CERS6: variants seen among roughly 807,000 people sequenced by gnomAD.
CERS6 encodes the protein LAG1 homolog, ceramide synthase 6.
Under a neutral mutation model 56.8 loss-of-function variants are expected in CERS6, and 26 were observed. That is an observed-to-expected ratio of 0.46 (90% CI 0.34 to 0.63). The LOEUF (loss-of-function observed/expected upper bound fraction) is 0.63, where lower values mean the gene tolerates loss of function less well. Among genes scored for constraint, CERS6 ranks in the 30% least tolerant of loss-of-function variants. CERS6 has a pLI of 0.01. For missense variants in CERS6, 415 were observed against 467.5 expected, an observed-to-expected ratio of 0.89 and a Z score of 1.04; for synonymous variants, 164 against 173.3, an observed-to-expected ratio of 0.95 and a Z score of 0.42.
chr2:168,731,301 T>G lies in CERS6; in HGVS notation c.845+13323T>G, dbSNP rs1242267010. Among the ~76,000 whole-genome samples, 2 of 152,144 alleles carry G rather than the reference T, an allele frequency of 1.3e-5. 1 individual carries two copies. The highest frequency in any genetic ancestry group is 1.3e-4 in the Admixed American group (2 of 15,250). ...TGTCGTGCTCTGCAGTCATAACTGA[T>G]GTTAATCTGAAGCAGCACAAGACTG... On this transcript the variant is annotated intron_variant, in intron 8 of 9. Coordinates refer to ENST00000305747, the MANE Select transcript of CERS6 (RefSeq NM_203463.3).
At chr2:168,656,298 G>A (rs1269178905) in intron 4 of CERS6, among the ~76,000 whole-genome samples, 1 of 152,206 alleles carries the variant, frequency 6.6e-6, no homozygotes, top group Non-Finnish European at 1.5e-5. Context: ...AAATTTTTTG[G>A]TGAAAGTTTT....
intron 4 of CERS6, among the ~76,000 whole-genome samples, chr2:168,645,987 G>A (rs573366141): frequency 6.6e-6 from 1 of 152,274 alleles, no homozygotes; most frequent in South Asian, 2.1e-4. Context: ...TGCAAATAGG[G>A]CTGCAGTGAA....
chr2:168,705,104 C>G (rs1253632667), intron 6 of CERS6, among the ~76,000 whole-genome samples: 1 of 152,168 alleles, frequency 6.6e-6, no homozygotes, highest in Non-Finnish European at 1.5e-5. Flanking sequence ...CAACTGGATT[C>G]AGAGCTGGCT....
chr2:168,741,265 T>G (rs1308135500), intron 8 of CERS6, among the ~76,000 whole-genome samples: 3 of 152,036 alleles, frequency 2.0e-5, no homozygotes, highest in Non-Finnish European at 4.4e-5. Context: ...GATAGTGGTG[T>G]TATTTTGAAT....
intron 3 of CERS6, among the ~76,000 whole-genome samples, chr2:168,596,802 A>C (rs1336195439): frequency 6.6e-6 from 1 of 152,068 alleles, no homozygotes; most frequent in Non-Finnish European, 1.5e-5. Context: ...AAAGTGCTGG[A>C]ATTACAGGTG....
At position 168,473,632 on chromosome 2, in the gene CERS6, A is replaced by G. The variant is rs545744005; in HGVS notation, c.170+17014A>G. Among the ~76,000 whole-genome samples the G allele has an allele frequency of 2.0e-5, 3 of 152,238 alleles. No homozygotes were observed. The South Asian group carries it at 6.2e-4, about 32-fold the overall frequency. On this transcript the variant is annotated intron_variant, in intron 1 of 9. Coordinates refer to ENST00000305747, the MANE Select transcript of CERS6 (RefSeq NM_203463.3). ...CATTAATGCTACAAAATTGTGTTTG[A>G]AATATTTAGAATATGATACCTCTTG...
At chr2:168,519,110 G>A (rs16855438) in intron 1 of CERS6, among the ~76,000 whole-genome samples, 45,988 of 151,996 alleles carry the variant, frequency 0.3, 7,497 homozygotes, top group African/African-American at 0.42. Context: ...GTGCAATAAG[G>A]ATTTTTAACT....
At chr2:168,739,602 C>T (rs564461667) in intron 8 of CERS6, among the ~76,000 whole-genome samples, 9 of 152,094 alleles carry the variant, frequency 5.9e-5, no homozygotes, top group South Asian at 4.2e-4. Flanking sequence ...GAGTCTCCCG[C>T]GTTAAATTTA....
chr2:168,506,608 A>G (rs1694682415), intron 1 of CERS6, among the ~76,000 whole-genome samples: 1 of 152,184 alleles, frequency 6.6e-6, no homozygotes, highest in African/African-American at 2.4e-5. Context: ...TAGATATGAG[A>G]TCAGTTTTAG....
At chr2:168,563,701 G>T (rs1481544432) in intron 3 of CERS6, among the ~76,000 whole-genome samples, 2 of 152,192 alleles carry the variant, frequency 1.3e-5, no homozygotes, top group Non-Finnish European at 2.9e-5. Context: ...GGAGGCTGAG[G>T]CAGGAGAATG....
intron 4 of CERS6, among the ~76,000 whole-genome samples, chr2:168,640,401 G>A (rs1261944845): frequency 1.3e-5 from 2 of 152,152 alleles, no homozygotes; most frequent in African/African-American, 4.8e-5. Flanking sequence ...AAGAGCTTCT[G>A]TTCATACTGG....
intron 3 of CERS6, among the ~76,000 whole-genome samples, chr2:168,571,064 T>C (rs957266148): frequency 1.3e-5 from 2 of 152,196 alleles, no homozygotes; most frequent in African/African-American, 4.8e-5. Context: ...TTATGGGTTA[T>C]TCTGGGCCTT....
chr2:168,745,742 T>C (rs1684079625), intron 8 of CERS6, among the ~76,000 whole-genome samples: 2 of 152,172 alleles, frequency 1.3e-5, no homozygotes, highest in Admixed American at 1.3e-4. Context: ...GATCCAGAAG[T>C]CTGGGTTCAG....
intron 4 of CERS6, among the ~76,000 whole-genome samples, chr2:168,668,444 C>CTTTTTT (rs71397660): frequency 7.6e-6 from 1 of 132,320 alleles, no homozygotes. Flanking sequence ...CCAACTCTAT[C>CTTTTTT]TTTTTTTTTT....
chr2:168,500,629 G>A (rs964987), intron 1 of CERS6, among the ~76,000 whole-genome samples: 84,703 of 151,984 alleles, frequency 0.56, 24,126 homozygotes, highest in African/African-American at 0.68. Context: ...TGCCATAAGA[G>A]CAAAGGAAGA....
rs761327594 is a variant in CERS6 at position 168,694,952 on chromosome 2, C to A, written c.517-7C>A. ...CTAATCATTCCTTTTTTTTCTTTCACCTTCAGCCACTCACAACTGACCTTC... is the reference window on the plus strand; with the variant it reads ...CTAATCATTCCTTTTTTTTCTTTCAACTTCAGCCACTCACAACTGACCTTC... On this transcript the variant is annotated splice_region_variant and splice_polypyrimidine_tract_variant and intron_variant, in intron 5 of 9. Coordinates refer to ENST00000305747, the MANE Select transcript of CERS6 (RefSeq NM_203463.3). 1.2e-6 allele frequency: 2 copies of A among 1,606,638 alleles called. No homozygotes were observed. Among genetic ancestry groups the A allele is most frequent in the South Asian group, 2.2e-5 (2 of 90,232 alleles).
chr2:168,712,229 G>A (rs950006341), intron 6 of CERS6, among the ~76,000 whole-genome samples: 1 of 152,168 alleles, frequency 6.6e-6, no homozygotes, highest in African/African-American at 2.4e-5. Context: ...GAACTGAGAA[G>A]TCTACCTAAT....
intron 8 of CERS6, among the ~76,000 whole-genome samples, chr2:168,759,401 A>T (rs1422124658): frequency 1.3e-5 from 2 of 152,232 alleles, no homozygotes; most frequent in Admixed American, 6.5e-5. Flanking sequence ...CATGCATGAT[A>T]TGCCATCTAG....
At chr2:168,658,314 G>A (rs568945318) in intron 4 of CERS6, among the ~76,000 whole-genome samples, 3 of 152,214 alleles carry the variant, frequency 2.0e-5, no homozygotes, top group South Asian at 2.1e-4. Context: ...AGTAGATTTC[G>A]GCTCCCCGGC....
Sources: gnomAD v4.1 joint callset for allele counts (sites outside exome capture counted in the v4.1 genomes callset) on GRCh38, gnomAD v4.1.1 for gene constraint, MANE v1.5 for transcripts, NCBI Gene and HGNC (gene_info 2026-07-23, HGNC 2026-07-21) for gene names.